Variants in DENND2B observed in about 807,000 individuals in gnomAD.
The protein encoded by DENND2B is DENN domain-containing protein 2B.
Under a neutral mutation model 116.0 loss-of-function variants are expected in DENND2B, and 32 were observed. The ratio of observed to expected loss-of-function variants is 0.28; its 90% confidence interval spans 0.21 to 0.37. The LOEUF (loss-of-function observed/expected upper bound fraction) is 0.37, where lower values mean the gene tolerates loss of function less well. Among genes scored for constraint, DENND2B ranks in the 10% least tolerant of loss-of-function variants. The pLI, the probability that DENND2B is intolerant of heterozygous loss-of-function variation, is 1.00. For missense variants in DENND2B, 1,276 were observed against 1,477.7 expected, an observed-to-expected ratio of 0.86 and a Z score of 2.24; for synonymous variants, 588 against 583.9, an observed-to-expected ratio of 1.01 and a Z score of -0.10.
At chr11:8,910,114 CA>C (rs2064297293) in intron 1 of DENND2B, among the ~76,000 whole-genome samples, 1 of 151,790 alleles carries the variant, frequency 6.6e-6, no homozygotes, top group South Asian at 2.1e-4. Flanking sequence ...AACAGGTCTC[CA>C]AAAATATGTG....
At chr11:8,752,687 A>G (rs2052767293) in intron 1 of DENND2B, among the ~76,000 whole-genome samples, 1 of 152,200 alleles carries the variant, frequency 6.6e-6, no homozygotes, top group South Asian at 2.1e-4. Context: ...CTGTTCATGT[A>G]CCATATATTC....
At chr11:8,799,174 T>C (rs928176890) in intron 1 of DENND2B, among the ~76,000 whole-genome samples, 2 of 152,168 alleles carry the variant, frequency 1.3e-5, no homozygotes, top group Non-Finnish European at 2.9e-5. Context: ...TGGGTACTTA[T>C]TAGAGTTCAG....
At chr11:8,697,877 C>A in intron 16 of DENND2B, 1 of 550,622 alleles carries the variant, frequency 1.8e-6, no homozygotes, top group Non-Finnish European at 3.3e-6. Context: ...GCCAGTAATC[C>A]CAACACTTTG....
chr11:8,813,816 A>G (rs1414143659), upstream of DENND2B, among the ~76,000 whole-genome samples: 3 of 152,128 alleles, frequency 2.0e-5, no homozygotes, highest in Non-Finnish European at 4.4e-5. Flanking sequence ...TCCTGGGGGA[A>G]GGGACAAAGG....
chr11:8,721,027 G>A (rs1369627351), intron 4 of DENND2B, among the ~76,000 whole-genome samples: 1 of 152,074 alleles, frequency 6.6e-6, no homozygotes, highest in Non-Finnish European at 1.5e-5. Context: ...GACCCTTGGA[G>A]AGGGACGAAG....
Position 8,702,731 on chromosome 11 carries a change from GCGA to G in DENND2B, c.2572-14_2572-12del. ...CCGCAGCTCTAACACCTGCAGGAGA[GCGA>G]TGGGAAAGTGGGCCGGGGCCAGCCA... is the stretch of plus-strand genomic sequence containing the variant. On this transcript the variant is annotated splice_polypyrimidine_tract_variant and intron_variant, in intron 13 of 19. Coordinates refer to ENST00000313726, the MANE Select transcript of DENND2B (RefSeq NM_213618.2). The surrounding 1 kb of genome is among the most constrained non-coding windows in gnomAD (Gnocchi z 4.6). 1.2e-6 allele frequency: 2 copies of G among 1,609,542 alleles called. No individual in the cohort carries two copies. The highest frequency in any genetic ancestry group is 1.1e-5 in the South Asian group (1 of 91,022).
intron 11 of DENND2B, chr11:8,708,083 T>C (rs1034946598): frequency 6.9e-7 from 1 of 1,459,644 alleles, no homozygotes; most frequent in Admixed American, 2.2e-5. Flanking sequence ...ACCAGGCTCC[T>C]GCCAGGCTCC....
At chr11:8,896,619 C>T (rs1171774594) in intron 1 of DENND2B, among the ~76,000 whole-genome samples, 2 of 152,176 alleles carry the variant, frequency 1.3e-5, no homozygotes, top group Admixed American at 1.3e-4. Context: ...AAGCAATATA[C>T]ATTCAGTGGA....
intron 1 of DENND2B, among the ~76,000 whole-genome samples, chr11:8,760,520 A>G (rs1266938399): frequency 1.3e-5 from 2 of 152,144 alleles, no homozygotes; most frequent in Admixed American, 6.5e-5. Context: ...TGGGAGCCTG[A>G]GGTGGGAGGA....
chr11:8,853,877 C>T (rs920598240), intron 3 of DENND2B, among the ~76,000 whole-genome samples: 1 of 151,820 alleles, frequency 6.6e-6, no homozygotes, highest in Non-Finnish European at 1.5e-5. Flanking sequence ...GAGACAAGGT[C>T]TCACTCTGTC....
At chr11:8,757,392 G>T (rs2053805792) in intron 1 of DENND2B, among the ~76,000 whole-genome samples, 1 of 152,158 alleles carries the variant, frequency 6.6e-6, no homozygotes, top group Non-Finnish European at 1.5e-5. Context: ...CCTATGTGAG[G>T]CACTGTGCAA....
intron 4 of DENND2B, among the ~76,000 whole-genome samples, chr11:8,827,999 T>C (rs1187222347): frequency 6.6e-6 from 1 of 152,166 alleles, no homozygotes; most frequent in Non-Finnish European, 1.5e-5. Context: ...TGTGGCAATG[T>C]TGTGTGGAGG....
chr11:8,774,171 T>C, intron 1 of DENND2B: 3 of 985,506 alleles, frequency 3.0e-6, no homozygotes, highest in Non-Finnish European at 3.6e-6. Flanking sequence ...CTCTGCTCAG[T>C]CAGCCTTCAC....
intron 16 of DENND2B, 176 bp from the exon 17 acceptor site, chr11:8,697,812 C>T (rs2040647669): frequency 4.8e-6 from 3 of 618,898 alleles, no homozygotes; most frequent in Admixed American, 5.1e-5. Flanking sequence ...GGTTAAGAAA[C>T]TTGCCCAAGA....
chr11:8,865,404 A>G (rs1290620417), intron 2 of DENND2B, among the ~76,000 whole-genome samples: 1 of 152,182 alleles, frequency 6.6e-6, no homozygotes, highest in South Asian at 2.1e-4. Flanking sequence ...TTGCCAACAT[A>G]TCTGATATGA....
chr11:8,736,430 TG>T (rs1378423770), intron 2 of DENND2B, among the ~76,000 whole-genome samples: 1 of 152,136 alleles, frequency 6.6e-6, no homozygotes, highest in Admixed American at 6.5e-5. Context: ...GGTTACATTC[TG>T]GTAGACACAC....
chr11:8,837,195 G>A (rs2062463598), intron 4 of DENND2B, among the ~76,000 whole-genome samples: 1 of 149,406 alleles, frequency 6.7e-6, no homozygotes, highest in Admixed American at 6.7e-5. Flanking sequence ...CATTTCAGAA[G>A]GGTACAGGGA....
intron 1 of DENND2B, among the ~76,000 whole-genome samples, chr11:8,900,915 G>A (rs1354590887): frequency 6.6e-6 from 1 of 151,930 alleles, no homozygotes; most frequent in Non-Finnish European, 1.5e-5. Context: ...GTTGCAGTGA[G>A]CCGAGATCAT....
At chr11:8,710,769 A>G (rs1454975535) in intron 11 of DENND2B, 76 bp downstream of exon 11, 6 of 1,252,136 alleles carry the variant, frequency 4.8e-6, no homozygotes, top group Non-Finnish European at 3.5e-6. Context: ...ACACACACAC[A>G]CACACACACA....
Sources: allele counts gnomAD v4.1 joint callset (sites outside exome capture counted in the v4.1 genomes callset), GRCh38; gene constraint gnomAD v4.1.1; non-coding constraint Gnocchi (gnomAD v3.1); transcripts MANE v1.5; gene names NCBI Gene and HGNC (gene_info 2026-07-23, HGNC 2026-07-21).